MTMR7: variants seen among roughly 807,000 people sequenced by gnomAD.
MTMR7 encodes the protein phosphatidylinositol-3-phosphate phosphatase MTMR7.
In MTMR7, 76 loss-of-function variants were observed where a neutral mutation model predicts 81.2. That is an observed-to-expected ratio of 0.94 (90% CI 0.78 to 1.13). The LOEUF is 1.13. MTMR7 is among the 50% of genes most tolerant of loss of function. The probability of loss-of-function intolerance (pLI) is 0.00; values close to 1 mark genes in which losing one functional copy is unlikely to be tolerated. For missense variants in MTMR7, 1,044 were observed against 820.0 expected (o/e 1.27, Z -3.34); for synonymous variants, 372 against 289.8 (o/e 1.28, Z -2.88).
At chr8:17,398,848 T>C (rs1821336703) in intron 1 of MTMR7, among the ~76,000 whole-genome samples, 1 of 152,200 alleles carries the variant, frequency 6.6e-6, no homozygotes, top group South Asian at 2.1e-4. Flanking sequence ...GTAGAGTTTT[T>C]ATTAGTTTTC....
chr8:17,396,392 C>G (rs553191981), intron 1 of MTMR7, among the ~76,000 whole-genome samples: 275 of 152,314 alleles, frequency 1.8e-3, no homozygotes, highest in Non-Finnish European at 3.3e-3. Flanking sequence ...TGACTAAGTT[C>G]ACAGATTCTT....
chr8:17,300,255 A>G, intron 13 of MTMR7, 31 bp from the exon 14 acceptor site: 2 of 1,574,404 alleles, frequency 1.3e-6, no homozygotes, highest in Non-Finnish European at 1.7e-6. Flanking sequence ...TCAGGGGAAA[A>G]ATCATAAATA....
At chr8:17,381,979 G>GTC (rs1820775669) in intron 1 of MTMR7, among the ~76,000 whole-genome samples, 2 of 152,166 alleles carry the variant, frequency 1.3e-5, no homozygotes, top group Non-Finnish European at 1.5e-5. Flanking sequence ...GGTCTTTAAT[G>GTC]TCTCTCTCCT....
intron 4 of MTMR7, among the ~76,000 whole-genome samples, chr8:17,351,053 A>G (rs1346763810): frequency 6.6e-6 from 1 of 152,224 alleles, no homozygotes; most frequent in African/African-American, 2.4e-5. Context: ...TCAGCCAGCT[A>G]GAAGACTATG....
intron 1 of MTMR7, among the ~76,000 whole-genome samples, chr8:17,411,328 G>C (rs1167874758): frequency 6.6e-6 from 1 of 152,086 alleles, no homozygotes; most frequent in African/African-American, 2.4e-5. Flanking sequence ...GGCTTCCCTT[G>C]ACCTTGAGGG....
intron 1 of MTMR7, among the ~76,000 whole-genome samples, chr8:17,412,286 T>C (rs1821755885): frequency 2.0e-5 from 3 of 152,134 alleles, no homozygotes; most frequent in Non-Finnish European, 4.4e-5. Flanking sequence ...CTCTTAAATG[T>C]GTGGGATCCC....
intron 1 of MTMR7, among the ~76,000 whole-genome samples, chr8:17,377,261 A>C (rs1820618191): frequency 6.6e-6 from 1 of 152,264 alleles, no homozygotes; most frequent in Admixed American, 6.5e-5. Flanking sequence ...ATGTGGTTAC[A>C]GATCCGTTCA....
chr8:17,313,715 C>T (rs1182804505), intron 7 of MTMR7, among the ~76,000 whole-genome samples: 1 of 152,022 alleles, frequency 6.6e-6, no homozygotes, highest in East Asian at 1.9e-4. Flanking sequence ...ATTTGCCTTT[C>T]CAGCAAAGTA....
At chr8:17,304,561 G>C in intron 11 of MTMR7, 42 bp from the exon 12 acceptor site, 1 of 1,586,680 alleles carries the variant, frequency 6.3e-7, no homozygotes. Context: ...CTATTTTGGT[G>C]CTTACACACA....
At chr8:17,388,884 A>C (rs6982984) in intron 1 of MTMR7, among the ~76,000 whole-genome samples, 142,119 of 152,270 alleles carry the variant, frequency 0.93, 66,540 homozygotes, top group Non-Finnish European at 0.95. Context: ...GGCTTCGAAG[A>C]CCCCAAGGAC....
chr8:17,394,499 G>A (rs1462518310), intron 1 of MTMR7, among the ~76,000 whole-genome samples: 2 of 152,158 alleles, frequency 1.3e-5, no homozygotes, highest in East Asian at 3.9e-4. Context: ...TCCTGGATAG[G>A]CAAATCTCTA....
intron 1 of MTMR7, among the ~76,000 whole-genome samples, chr8:17,402,590 TCTC>T (rs1821458996): frequency 6.6e-6 from 1 of 152,190 alleles, no homozygotes; most frequent in Non-Finnish European, 1.5e-5. Flanking sequence ...AATGACGGGA[TCTC>T]CTCCTTTTTT....
chr8:17,381,538 T>C lies in MTMR7; in HGVS notation c.25-8298A>G, dbSNP rs549214817. On this transcript the variant is annotated intron_variant, in intron 1 of 13. Transcript: ENST00000180173. ...AGACTATTTGGGTAAGTAAAGTTGC[T>C]CCGTAGGATGAGGAATCCAAAGTGC... Among the ~76,000 whole-genome samples, 3 of 152,250 alleles carry C rather than the reference T, an allele frequency of 2.0e-5. No individual in the cohort carries two copies. In the East Asian group the frequency reaches 5.8e-4, roughly 29 times the overall value.
rs1820467113 is a variant in MTMR7, at chr8:17,373,048, G to T, written c.147+70C>A. 5.7e-6 allele frequency: 9 copies of T among 1,574,646 alleles called. No homozygotes were observed. The South Asian group carries it at 1.0e-4, about 18-fold the overall frequency. ...CACCCATCTCACCCTGAGGAAAAAT[G>T]AATGGAGGGCAAACACTTTTTGCTT... On this transcript the variant is annotated intron_variant, in intron 2 of 13. Coordinates refer to ENST00000180173, the MANE Select transcript of MTMR7 (RefSeq NM_004686.5).
intron 12 of MTMR7, among the ~76,000 whole-genome samples, chr8:17,303,462 A>C (rs967741682): frequency 2.6e-5 from 4 of 152,168 alleles, no homozygotes; most frequent in African/African-American, 9.6e-5. Context: ...ATTCTGCATG[A>C]GTCTTTTGAT....
chr8:17,362,028 T>G (rs1820076930), intron 3 of MTMR7, among the ~76,000 whole-genome samples: 1 of 152,152 alleles, frequency 6.6e-6, no homozygotes, highest in Admixed American at 6.5e-5. Context: ...CACTAAAATC[T>G]AGGATTTGAT....
At chr8:17,315,192 G>A (rs1260468863) in intron 7 of MTMR7, among the ~76,000 whole-genome samples, 1 of 152,200 alleles carries the variant, frequency 6.6e-6, no homozygotes, top group Non-Finnish European at 1.5e-5. Context: ...AAAAGACACA[G>A]AGGGAAGTTA....
chr8:17,320,998 C>CTT (rs34124458), intron 7 of MTMR7, among the ~76,000 whole-genome samples: 23,923 of 151,418 alleles, frequency 0.16, 2,127 homozygotes, highest in East Asian at 0.3. Flanking sequence ...CTCTTGCAGT[C>CTT]TTTTTTTTTA....
chr8:17,299,912 C>A lies in MTMR7; in HGVS notation c.1933G>T (p.Asp645Tyr), dbSNP rs1436597559. The change falls in exon 14 of 14, where the codon GAT becomes TAT. Residue 645 changes from aspartate to tyrosine, a missense_variant. Physicochemically the swap from Asp to Tyr is radical, Grantham distance 160. Transcript: ENST00000180173. ...TCAGAATCCCGGTCCTTGCCACTATCTTCACTCGGTGCATGCTCACCACCA... is the reference window on the plus strand; with the variant it reads ...TCAGAATCCCGGTCCTTGCCACTATATTCACTCGGTGCATGCTCACCACCA... ...PSGGEHAPSE[D>Y]SGKDRDSDEA... 2 of 1,614,182 alleles carry A rather than the reference C, an allele frequency of 1.2e-6. No homozygotes were observed. The highest frequency in any genetic ancestry group is 1.7e-6 in the Non-Finnish European group (2 of 1,180,018).
Sources: allele counts gnomAD v4.1 joint callset (sites outside exome capture counted in the v4.1 genomes callset), GRCh38; gene constraint gnomAD v4.1.1; transcripts MANE v1.5; gene names NCBI Gene and HGNC (gene_info 2026-07-23, HGNC 2026-07-21).